Variants in ZNRF3 observed in about 807,000 individuals in gnomAD.
ZNRF3 encodes E3 ubiquitin-protein ligase ZNRF3.
In ZNRF3, 23 loss-of-function variants were observed where a neutral mutation model predicts 72.5. The observed-to-expected ratio is 0.32, with a 90% confidence interval of 0.23 to 0.45. The LOEUF (loss-of-function observed/expected upper bound fraction) is 0.45. Ranked by LOEUF, ZNRF3 falls within the 20% of genes least tolerant of loss-of-function variation. ZNRF3 has a pLI of 1.00. For synonymous variants in ZNRF3, 610 were observed against 545.3 expected, an observed-to-expected ratio of 1.12 and a Z score of -1.65; for missense variants, 1,169 against 1,272.1, an observed-to-expected ratio of 0.92 and a Z score of 1.23.
intron 2 of ZNRF3, chr22:28,992,855 T>C (rs894013962): frequency 1.3e-5 from 2 of 151,310 alleles, no homozygotes; most frequent in Non-Finnish European, 2.9e-5. Flanking sequence ...ACACAGAGAG[T>C]GATTGTGGTG....
At chr22:29,020,138 G>T (rs749729630) in intron 2 of ZNRF3, among the ~76,000 whole-genome samples, 3 of 150,542 alleles carry the variant, frequency 2.0e-5, no homozygotes, top group Non-Finnish European at 4.4e-5. Context: ...ATTACTTTAT[G>T]ATACCTAATA....
At chr22:28,958,792 A>C (rs887941883) in intron 1 of ZNRF3, among the ~76,000 whole-genome samples, 9 of 152,170 alleles carry the variant, frequency 5.9e-5, no homozygotes, top group African/African-American at 1.2e-4. Flanking sequence ...CATACTTCCC[A>C]GTTCAGCTTC....
At chr22:28,982,433 C>CAAA (rs61589852) in intron 1 of ZNRF3, among the ~76,000 whole-genome samples, 221 of 75,434 alleles carry the variant, frequency 2.9e-3, no homozygotes, top group African/African-American at 3.5e-3. Flanking sequence ...CCTGTCTCTA[C>CAAA]AAAAAAAAAA....
At chr22:29,022,221 G>A (rs5997430) in intron 2 of ZNRF3, among the ~76,000 whole-genome samples, 69,792 of 152,054 alleles carry the variant, frequency 0.46, 16,403 homozygotes, top group Non-Finnish European at 0.5. Flanking sequence ...AGAGAACGCT[G>A]CTTTTTTTAC....
At chr22:28,935,017 T>C (rs1283624457) in intron 1 of ZNRF3, among the ~76,000 whole-genome samples, 1 of 152,132 alleles carries the variant, frequency 6.6e-6, no homozygotes, top group Non-Finnish European at 1.5e-5. Flanking sequence ...CTTCTCTGAA[T>C]GTAGGGTATG....
chr22:28,914,004 G>A (rs2034366081), intron 1 of ZNRF3, among the ~76,000 whole-genome samples: 1 of 152,154 alleles, frequency 6.6e-6, no homozygotes, highest in South Asian at 2.1e-4. Flanking sequence ...TAGACTCCCC[G>A]CAAGGTAGAC....
chr22:29,050,217 A>G lies in ZNRF3; in HGVS notation c.2036A>G (p.Asn679Ser), dbSNP rs1337856392. ...SNSSLEHRGPNSSTSEVGLEA... is the reference protein window; with the variant it reads ...SNSSLEHRGPSSSTSEVGLEA... ...TCCTCCCTGGAGCACAGGGGGCCCA[A>G]TAGCTCTACCTCAGAAGTGGGGCTC... The change falls in exon 8 of 9, where the codon AAT (asparagine) becomes AGT (serine). Residue 679 changes from asparagine to serine, a missense_variant. By Grantham distance (46) the Asn-to-Ser change is conservative (BLOSUM62 1). This residue lies in a region of ZNRF3 where 783 missense variants were observed against 731.4 expected (regional missense o/e 1.07). Coordinates refer to ENST00000544604, the MANE Select transcript of ZNRF3 (RefSeq NM_001206998.2). 6.2e-7 allele frequency: 1 copy of G among 1,600,238 alleles called. No homozygotes were observed. The highest frequency in any genetic ancestry group is 1.3e-5 in the African/African-American group (1 of 74,924).
chr22:28,965,809 A>G (rs1045599097), intron 1 of ZNRF3, among the ~76,000 whole-genome samples: 1 of 152,252 alleles, frequency 6.6e-6, no homozygotes, highest in African/African-American at 2.4e-5. Flanking sequence ...CCAATTTAGG[A>G]ATACGCAAGT....
chr22:29,041,230 C>A (rs1299355991), intron 2 of ZNRF3, among the ~76,000 whole-genome samples: 4 of 152,186 alleles, frequency 2.6e-5, no homozygotes, highest in African/African-American at 9.7e-5. Flanking sequence ...CCAACCTCTA[C>A]CTCTTGGGCT....
intron 1 of ZNRF3, among the ~76,000 whole-genome samples, chr22:28,935,603 C>T (rs1288501422): frequency 6.6e-6 from 1 of 152,148 alleles, no homozygotes; most frequent in Non-Finnish European, 1.5e-5. Context: ...GGGTAGGGTG[C>T]CCACACCAAC....
At chr22:28,987,607 T>G (rs558659448) in intron 2 of ZNRF3, among the ~76,000 whole-genome samples, 32 of 152,342 alleles carry the variant, frequency 2.1e-4, no homozygotes, top group Middle Eastern at 3.4e-3. Context: ...GATTTTATAT[T>G]AAGTAACCTC....
At chr22:28,947,906 G>A (rs970660987) in intron 1 of ZNRF3, among the ~76,000 whole-genome samples, 4 of 151,726 alleles carry the variant, frequency 2.6e-5, no homozygotes, top group East Asian at 1.9e-4. Flanking sequence ...GTGCAGTGGC[G>A]TGATCTCGAC....
intron 1 of ZNRF3, among the ~76,000 whole-genome samples, chr22:28,934,078 A>G (rs1439443748): frequency 2.0e-5 from 3 of 152,178 alleles, no homozygotes; most frequent in African/African-American, 7.2e-5. Flanking sequence ...TGGGTGACCC[A>G]GAAACTTAAA....
chr22:29,028,747 G>C (rs1449412374), intron 2 of ZNRF3, among the ~76,000 whole-genome samples: 1 of 152,168 alleles, frequency 6.6e-6, no homozygotes, highest in Non-Finnish European at 1.5e-5. Context: ...TGCAGATTCA[G>C]TATCATTTGA....
intron 1 of ZNRF3, among the ~76,000 whole-genome samples, chr22:28,906,395 T>A (rs2034208383): frequency 6.6e-6 from 1 of 152,196 alleles, no homozygotes; most frequent in Non-Finnish European, 1.5e-5. Flanking sequence ...GCTGACCAGA[T>A]TCTTGCCATG....
intron 2 of ZNRF3, among the ~76,000 whole-genome samples, chr22:29,009,200 G>A (rs1254463403): frequency 6.6e-6 from 1 of 152,152 alleles, no homozygotes; most frequent in African/African-American, 2.4e-5. Context: ...CAGAAGAGAT[G>A]AAACTCAACT....
chr22:28,927,470 G>A (rs1027494638), intron 1 of ZNRF3, among the ~76,000 whole-genome samples: 16 of 152,334 alleles, frequency 1.1e-4, no homozygotes, highest in Non-Finnish European at 1.8e-4. Context: ...TATTAAATGA[G>A]CATGTTTTGC....
In ZNRF3 at chr22:29,053,615, G is replaced by A. The variant is rs1356918222; in HGVS notation, c.2804G>A (p.Gly935Glu). Reference protein sequence around the residue: ...RSHSADSSSPGA With the variant: ...RSHSADSSSPEA ...CACTCAGCAGACAGCAGCAGCCCGG[G>A]AGCCTGAGCTCAGGAGGAACTCTTA... Residue 935 changes from glycine (G) to glutamate (E), a missense_variant, in exon 9 of 9, where the codon GGA becomes GAA. This residue lies in a region of ZNRF3 where 783 missense variants were observed against 731.4 expected (regional missense o/e 1.07). Transcript: ENST00000544604. The A allele has an allele frequency of 9.9e-6, 16 of 1,613,450 alleles. No homozygotes were observed. Among genetic ancestry groups the A allele is most frequent in the Middle Eastern group, 1.6e-4 (1 of 6,076 alleles).
chr22:29,037,932 C>T (rs1036374787), intron 2 of ZNRF3, among the ~76,000 whole-genome samples: 2 of 152,196 alleles, frequency 1.3e-5, no homozygotes, highest in Non-Finnish European at 2.9e-5. Context: ...AACTTCCCAC[C>T]TGTGTTCTGC....
Sources: gnomAD v4.1 joint callset for allele counts (sites outside exome capture counted in the v4.1 genomes callset) on GRCh38, gnomAD v4.1.1 for gene constraint, gnomAD v4.1.1 regional missense constraint, MANE v1.5 for transcripts, NCBI Gene and HGNC (gene_info 2026-07-23, HGNC 2026-07-21) for gene names.